Variants in CTNNA3 observed in about 807,000 individuals in gnomAD.
The protein encoded by CTNNA3 is catenin alpha 3, also known as catenin alpha-3.
CTNNA3 carries 76 observed loss-of-function variants against 95.7 expected under a neutral mutation model. The observed-to-expected ratio is 0.79, with a 90% CI of 0.66 to 0.96. CTNNA3 has a LOEUF of 0.96. Ranked by LOEUF, CTNNA3 falls within the 40% of genes least tolerant of loss-of-function variation. The pLI is 0.00. For synonymous variants in CTNNA3, 431 were observed against 374.4 expected (o/e 1.15, Z -1.74); for missense variants, 1,191 against 1,089.8 (o/e 1.09, Z -1.31).
At chr10:66,686,286 G>A (rs540973514) in intron 9 of CTNNA3, among the ~76,000 whole-genome samples, 9 of 127,052 alleles carry the variant, frequency 7.1e-5, no homozygotes, top group South Asian at 5.2e-4. Context: ...GCAACATGGC[G>A]AAACCCCATC....
Position 66,992,590 on chromosome 10 carries a change from CTT to C in CTNNA3, c.1047+187725_1047+187726del, listed in dbSNP as rs1157324015. 4.0e-5 allele frequency among the ~76,000 whole-genome samples: 6 copies of C among 151,812 alleles called. No individual in the cohort carries two copies. In the East Asian group the frequency reaches 9.7e-4, roughly 24 times the overall value. On this transcript the variant is annotated intron_variant, in intron 7 of 17. Coordinates refer to ENST00000433211, the MANE Select transcript of CTNNA3 (RefSeq NM_013266.4). The stretch of plus-strand genomic sequence containing the variant: ...AATTCTAATGAATAAATGTATCAGT[CTT>C]TTCATTTAACACTTAATGCCTTGGA...
At chr10:66,380,615 ATC>A (rs1249831182) in intron 11 of CTNNA3, among the ~76,000 whole-genome samples, 37 of 111,060 alleles carry the variant, frequency 3.3e-4, no homozygotes, top group African/African-American at 1.3e-3. Flanking sequence ...CTATCTATCT[ATC>A]TATCTATCTA....
intron 13 of CTNNA3, among the ~76,000 whole-genome samples, chr10:66,157,466 AGACAGAT>A (rs3053721): frequency 1.9e-4 from 28 of 149,450 alleles, no homozygotes; most frequent in South Asian, 1.0e-3. Flanking sequence ...ATAGATAGAT[AGACAGAT>A]GATAGATAGA....
At chr10:66,939,819 C>T (rs755242387) in intron 7 of CTNNA3, among the ~76,000 whole-genome samples, 1 of 152,088 alleles carries the variant, frequency 6.6e-6, no homozygotes, top group Non-Finnish European at 1.5e-5. Flanking sequence ...ACCTTGCAGT[C>T]CATTTTTTTT....
intron 8 of CTNNA3, among the ~76,000 whole-genome samples, chr10:66,768,452 T>C (rs965112619): frequency 7.2e-5 from 11 of 152,100 alleles, no homozygotes; most frequent in African/African-American, 2.4e-4. Flanking sequence ...GAGACTGAGA[T>C]AATAGCCAAG....
chr10:66,788,362 T>TA (rs1269946000), intron 7 of CTNNA3, among the ~76,000 whole-genome samples: 6 of 152,110 alleles, frequency 3.9e-5, no homozygotes, highest in South Asian at 4.1e-4. Context: ...GGAGGACTGA[T>TA]ACAGCAGCAC....
chr10:67,106,616 A>G (rs1589746633), intron 7 of CTNNA3, among the ~76,000 whole-genome samples: 1 of 152,308 alleles, frequency 6.6e-6, no homozygotes, highest in Non-Finnish European at 1.5e-5. Context: ...CCTTAGAAAG[A>G]TAAGAAACGG....
chr10:66,455,049 T>C (rs1331875784), intron 11 of CTNNA3, among the ~76,000 whole-genome samples: 1 of 152,010 alleles, frequency 6.6e-6, no homozygotes, highest in East Asian at 1.9e-4. Context: ...GAAAAATATG[T>C]AAAATTCAGT....
intron 7 of CTNNA3, among the ~76,000 whole-genome samples, chr10:66,784,987 A>C (rs12762274): frequency 0.024 from 3,655 of 152,296 alleles, 192 homozygotes; most frequent in East Asian, 0.23. Context: ...ATGAATAAGC[A>C]GAAAAAGATG....
chr10:66,394,809 A>C (rs2092962266), intron 11 of CTNNA3, among the ~76,000 whole-genome samples: 1 of 152,146 alleles, frequency 6.6e-6, no homozygotes, highest in South Asian at 2.1e-4. Context: ...TCCAAATATA[A>C]AATCTGTGCT....
chr10:67,631,775 C>T lies in CTNNA3; in HGVS notation c.99+15640G>A, dbSNP rs1255246006. 2.6e-5 allele frequency among the ~76,000 whole-genome samples: 4 copies of T among 150,990 alleles called. No individual in the cohort carries two copies. In the East Asian group the frequency reaches 7.7e-4, roughly 29 times the overall value. On this transcript the variant is annotated intron_variant, in intron 2 of 17. Transcript: ENST00000433211. ...AAAGAAAATGTGGTGTTTATGCAAT[C>T]GAATACTATTCAGTCATAAAAAAAA...
chr10:67,371,673 G>T (rs1843472082), intron 5 of CTNNA3, among the ~76,000 whole-genome samples: 1 of 152,136 alleles, frequency 6.6e-6, no homozygotes, highest in African/African-American at 2.4e-5. Context: ...ATTGTGAATA[G>T]TGCTGCAATA....
In CTNNA3 at chr10:65,966,665, T is replaced by C. The variant is rs776814237; in HGVS notation, c.2347A>G (p.Ser783Gly). ...KFYSHQLKIC[S>G]QVKAEIQNLG... ...TTCTGGATCTCAGCTTTAACTTGAC[T>C]GCAGATTTTCAGTTGGTGGGAGTAG... The change falls in exon 17 of 18, where the codon AGT becomes GGT. Residue 783 changes from serine (S) to glycine (G), a missense_variant. Ser to Gly is a moderately conservative substitution (Grantham distance 56, BLOSUM62 0). Transcript: ENST00000433211. 8.7e-6 allele frequency: 14 copies of C among 1,613,856 alleles called. No individual in the cohort carries two copies. The highest frequency in any genetic ancestry group is 1.1e-5 in the Non-Finnish European group (13 of 1,179,902).
chr10:67,557,154 C>T (rs1188142484), intron 3 of CTNNA3, among the ~76,000 whole-genome samples: 2 of 152,052 alleles, frequency 1.3e-5, no homozygotes, highest in African/African-American at 4.8e-5. Flanking sequence ...GCTTCAATGG[C>T]TAACCTTGAC....
At chr10:67,687,193 C>A (rs1840749276) in intron 1 of CTNNA3, among the ~76,000 whole-genome samples, 1 of 152,106 alleles carries the variant, frequency 6.6e-6, no homozygotes, top group Admixed American at 6.5e-5. Context: ...TCCTGGCCCT[C>A]AATGGTTAAA....
chr10:67,028,580 T>C (rs915227337), intron 7 of CTNNA3, among the ~76,000 whole-genome samples: 1 of 151,002 alleles, frequency 6.6e-6, no homozygotes, highest in African/African-American at 2.4e-5. Flanking sequence ...TCAAACAGCA[T>C]GTGCAATGAG....
At chr10:67,109,280 G>A (rs1858801451) in intron 7 of CTNNA3, among the ~76,000 whole-genome samples, 1 of 152,124 alleles carries the variant, frequency 6.6e-6, no homozygotes, top group East Asian at 1.9e-4. Flanking sequence ...TACTAAGGTG[G>A]TGAATTTGCC....
intron 2 of CTNNA3, among the ~76,000 whole-genome samples, chr10:67,620,931 A>G (rs879582121): frequency 0.089 from 11,034 of 123,910 alleles, 670 homozygotes; most frequent in South Asian, 0.19. Flanking sequence ...GTGTATATAT[A>G]TATATATATA....
chr10:66,493,597 G>GTTTTTTTTT (rs1589329310), intron 11 of CTNNA3, among the ~76,000 whole-genome samples: 14 of 119,546 alleles, frequency 1.2e-4, no homozygotes, highest in African/African-American at 5.9e-4. Context: ...TTTAACTACA[G>GTTTTTTTTT]TATTTTTTTT....
Sources: gnomAD v4.1 joint callset for allele counts (sites outside exome capture counted in the v4.1 genomes callset) on GRCh38, gnomAD v4.1.1 for gene constraint, MANE v1.5 for transcripts, NCBI Gene and HGNC (gene_info 2026-07-23, HGNC 2026-07-21) for gene names.